Variants in SPIDR observed in about 807,000 individuals in gnomAD.
The protein encoded by SPIDR is scaffold protein involved in DNA repair.
SPIDR carries 93 observed loss-of-function variants against 104.6 expected under a neutral mutation model. The ratio of observed to expected loss-of-function variants is 0.89; its 90% CI spans 0.75 to 1.06. SPIDR has a LOEUF of 1.06. Ranked by LOEUF, SPIDR falls within the 50% of genes least tolerant of loss-of-function variation. The pLI is 0.00. For missense variants in SPIDR, 1,154 were observed against 1,111.2 expected (o/e 1.04, Z -0.55); for synonymous variants, 431 against 416.9 (o/e 1.03, Z -0.41).
intron 5 of SPIDR, among the ~76,000 whole-genome samples, chr8:47,334,684 C>A (rs1478069998): frequency 1.3e-5 from 2 of 152,114 alleles, no homozygotes; most frequent in African/African-American, 4.8e-5. Flanking sequence ...AGACAACATG[C>A]AGTTGGCTCT....
intron 4 of SPIDR, among the ~76,000 whole-genome samples, chr8:47,293,202 C>T (rs1388916880): frequency 6.6e-6 from 1 of 151,930 alleles, no homozygotes; most frequent in Non-Finnish European, 1.5e-5. Context: ...TCATAGCTCA[C>T]CGCAGTTTCA....
At chr8:47,415,029 G>C (rs553492409) in intron 7 of SPIDR, among the ~76,000 whole-genome samples, 1 of 151,762 alleles carries the variant, frequency 6.6e-6, no homozygotes, top group Non-Finnish European at 1.5e-5. Context: ...TCAGCCTCCC[G>C]AGTAGCTGGG....
chr8:47,342,612 C>T (rs2051004915), intron 5 of SPIDR, among the ~76,000 whole-genome samples: 1 of 152,076 alleles, frequency 6.6e-6, no homozygotes, highest in African/African-American at 2.4e-5. Context: ...TCTGGGATTA[C>T]AGGTATGATC....
At position 47,396,530 on chromosome 8, in the gene SPIDR, G is replaced by C. The variant is rs782476635; in HGVS notation, c.680G>C (p.Arg227Thr). The C allele has an allele frequency of 6.2e-7, 1 of 1,614,026 alleles. No homozygotes were observed. The highest frequency in any genetic ancestry group is 1.1e-5 in the South Asian group (1 of 91,080). Residue 227 changes from arginine to threonine, a missense_variant, in exon 6 of 20, where the codon AGG becomes ACG. Physicochemically the swap from Arg to Thr is moderately conservative, Grantham distance 71 (BLOSUM62 -1). Transcript: ENST00000297423. ...ATTATGGAGAGACTGATAGATCCAA[G>C]GACAAAATCAACAGAGACCATTTTG... ...RQIMERLIDP[R>T]TKSTETILHT...
At chr8:47,529,086 T>G (rs1258356567) in intron 8 of SPIDR, among the ~76,000 whole-genome samples, 2 of 152,186 alleles carry the variant, frequency 1.3e-5, no homozygotes, top group Non-Finnish European at 2.9e-5. Context: ...CAGACTTCCC[T>G]TCAGAAATCT....
chr8:47,476,842 C>G (rs2076346355), intron 8 of SPIDR, among the ~76,000 whole-genome samples: 1 of 152,176 alleles, frequency 6.6e-6, no homozygotes, highest in African/African-American at 2.4e-5. Context: ...CAGGGCTCTG[C>G]CCAAAAACAG....
chr8:47,495,812 T>G (rs953494612), intron 8 of SPIDR, among the ~76,000 whole-genome samples: 8 of 152,196 alleles, frequency 5.3e-5, no homozygotes, highest in African/African-American at 1.9e-4. Context: ...TTCAATTTTC[T>G]TGGCACTCTT....
intron 1 of SPIDR, 129 bp from the exon 2 acceptor site, chr8:47,279,733 T>C: frequency 1.1e-6 from 1 of 883,670 alleles, no homozygotes. Context: ...TTTAGAGACA[T>C]TCAAAAACTA....
chr8:47,634,388 T>C (rs957862980), intron 10 of SPIDR, among the ~76,000 whole-genome samples: 18 of 150,918 alleles, frequency 1.2e-4, no homozygotes, highest in African/African-American at 4.4e-4. Flanking sequence ...GAGGCAGAGG[T>C]TGTGGTGAGC....
At chr8:47,319,103 T>C (rs2045988482) in intron 5 of SPIDR, among the ~76,000 whole-genome samples, 2 of 152,126 alleles carry the variant, frequency 1.3e-5, no homozygotes, top group Admixed American at 6.5e-5. Flanking sequence ...AATATTAACC[T>C]TAAATGTAAA....
At chr8:47,560,951 T>TA (rs1438384011) in intron 8 of SPIDR, among the ~76,000 whole-genome samples, 1 of 152,190 alleles carries the variant, frequency 6.6e-6, no homozygotes, top group Non-Finnish European at 1.5e-5. Flanking sequence ...GGTGTAGCGT[T>TA]AGATTACCTA....
At chr8:47,500,448 G>C (rs2080212358) in intron 8 of SPIDR, among the ~76,000 whole-genome samples, 1 of 152,196 alleles carries the variant, frequency 6.6e-6, no homozygotes, top group Non-Finnish European at 1.5e-5. Flanking sequence ...CTTCTTTTGA[G>C]AAGTGTCTGT....
At chr8:47,314,832 T>C (rs1169172985) in intron 5 of SPIDR, among the ~76,000 whole-genome samples, 2 of 152,214 alleles carry the variant, frequency 1.3e-5, no homozygotes, top group African/African-American at 4.8e-5. Flanking sequence ...TTAAGTGTTT[T>C]ATTTGAAGGT....
At chr8:47,619,985 A>G (rs551010808) in intron 10 of SPIDR, among the ~76,000 whole-genome samples, 77 of 152,322 alleles carry the variant, frequency 5.1e-4, no homozygotes, top group Admixed American at 2.0e-3. Context: ...AGAGAATTCT[A>G]TATCATGTCT....
intron 11 of SPIDR, among the ~76,000 whole-genome samples, chr8:47,682,966 A>G (rs2077288787): frequency 6.6e-6 from 1 of 152,214 alleles, no homozygotes; most frequent in Non-Finnish European, 1.5e-5. Context: ...AAGAGTGATT[A>G]AAGCATGCAA....
intron 8 of SPIDR, among the ~76,000 whole-genome samples, chr8:47,496,820 G>GTTTGTTTC (rs2079536024): frequency 6.8e-6 from 1 of 147,174 alleles, no homozygotes; most frequent in African/African-American, 2.5e-5. Flanking sequence ...ATGTTTGTTT[G>GTTTGTTTC]TTTGTTTGTT....
rs185487363 is a variant in SPIDR, at chr8:47,521,102, G to A, written c.1098-74709G>A. On this transcript the variant is annotated intron_variant, in intron 8 of 19. Transcript: ENST00000297423. ...AGACGTCTGTCAATAGAGAGGCTCC[G>A]AAGAATGGGGTGATACGTCACAAAG... 5.8e-4 allele frequency among the ~76,000 whole-genome samples: 89 copies of A among 152,302 alleles called. 1 individual carries two copies. In the South Asian group the frequency reaches 7.3e-3, roughly 12 times the overall value.
At chr8:47,315,855 TAAATC>T (rs1397571322) in intron 5 of SPIDR, among the ~76,000 whole-genome samples, 1 of 152,152 alleles carries the variant, frequency 6.6e-6, no homozygotes, top group Non-Finnish European at 1.5e-5. Flanking sequence ...ACCCAAAAGA[TAAATC>T]AAGATGAATC....
At chr8:47,380,943 G>C (rs781924027) in intron 5 of SPIDR, among the ~76,000 whole-genome samples, 4 of 152,152 alleles carry the variant, frequency 2.6e-5, no homozygotes, top group African/African-American at 4.8e-5. Flanking sequence ...TCTATTGTCT[G>C]GAATTGGTGT....
Sources: gnomAD v4.1 joint callset for allele counts (sites outside exome capture counted in the v4.1 genomes callset) on GRCh38, gnomAD v4.1.1 for gene constraint, MANE v1.5 for transcripts, NCBI Gene and HGNC (gene_info 2026-07-23, HGNC 2026-07-21) for gene names.